RIMS3: variants seen among roughly 807,000 people sequenced by gnomAD.
RIMS3 encodes regulating synaptic membrane exocytosis 3.
In RIMS3, 15 loss-of-function variants were observed where a neutral mutation model predicts 29.2. That is an observed-to-expected ratio of 0.51 (90% CI 0.34 to 0.79). The LOEUF is 0.79. Ranked by LOEUF, RIMS3 falls within the 30% of genes least tolerant of loss-of-function variation. The pLI is 0.01. For missense variants in RIMS3, 342 were observed against 421.4 expected (o/e 0.81, Z 1.65); for synonymous variants, 161 against 170.1 (o/e 0.95, Z 0.41).
upstream of RIMS3, among the ~76,000 whole-genome samples, chr1:40,666,010 C>CCCGTG (rs1553146301): frequency 2.6e-5 from 4 of 152,176 alleles, no homozygotes; most frequent in Non-Finnish European, 5.9e-5. Flanking sequence ...ACCACGGCGC[C>CCCGTG]CCCTGCCCTG....
chr1:40,681,586 A>G, the RIMS3 span: 1 of 152,190 alleles, frequency 6.6e-6, no homozygotes, highest in Non-Finnish European at 1.5e-5. Flanking sequence ...AATTAATCTA[A>G]TAAAACCTGT....
chr1:40,657,261 T>C (rs1030427697), intron 1 of RIMS3, among the ~76,000 whole-genome samples: 2 of 152,164 alleles, frequency 1.3e-5, no homozygotes, highest in Admixed American at 1.3e-4. Context: ...CCTGCATCCA[T>C]CTGTTCCACA....
At chr1:40,658,336 G>T (rs1228562071) in intron 1 of RIMS3, among the ~76,000 whole-genome samples, 1 of 152,174 alleles carries the variant, frequency 6.6e-6, no homozygotes, top group South Asian at 2.1e-4. Context: ...TGCTGCCCAG[G>T]AAAAGACTCT....
At chr1:40,666,996 G>C (rs561106624), upstream of RIMS3, among the ~76,000 whole-genome samples, 8 of 152,304 alleles carry the variant, frequency 5.3e-5, no homozygotes, top group African/African-American at 1.9e-4. Context: ...CTGCACTCCA[G>C]CCTGAGTGAC....
intron 3 of RIMS3, among the ~76,000 whole-genome samples, chr1:40,639,937 C>T (rs776274665): frequency 2.0e-5 from 3 of 152,148 alleles, no homozygotes; most frequent in African/African-American, 4.8e-5. Context: ...CATCATCATT[C>T]ATCTCTTCTC....
intron 7 of RIMS3, among the ~76,000 whole-genome samples, chr1:40,627,695 G>A (rs663081): frequency 0.26 from 40,184 of 151,770 alleles, 6,440 homozygotes; most frequent in African/African-American, 0.46. Flanking sequence ...TTGACCTCCT[G>A]GGCTCAAACA....
chr1:40,691,943 C>G, the RIMS3 span: 1 of 330,942 alleles, frequency 3.0e-6, no homozygotes, highest in Non-Finnish European at 6.0e-6. Flanking sequence ...CGCTTCCCGC[C>G]TTCGCCAGAG....
chr1:40,685,387 TA>T, the RIMS3 span, among the ~76,000 whole-genome samples: 112,211 of 143,284 alleles, frequency 0.78, 44,550 homozygotes, highest in African/African-American at 0.89. Context: ...ATATAATAAA[TA>T]AAAAAATTTA....
the RIMS3 span, among the ~76,000 whole-genome samples, chr1:40,680,375 A>G: frequency 7.1e-6 from 1 of 140,554 alleles, no homozygotes; most frequent in South Asian, 2.2e-4. Context: ...TCTGTCGCCC[A>G]GGCTGGAGTG....
At chr1:40,682,741 C>CTTTTTTTT in the RIMS3 span, among the ~76,000 whole-genome samples, 490 of 77,450 alleles carry the variant, frequency 6.3e-3, 104 homozygotes, top group African/African-American at 0.021. Context: ...CTTTGCAGAT[C>CTTTTTTTT]TTTTTTTTTT....
At chr1:40,652,777 C>T (rs1419490880) in intron 1 of RIMS3, among the ~76,000 whole-genome samples, 2 of 152,160 alleles carry the variant, frequency 1.3e-5, no homozygotes, top group African/African-American at 4.8e-5. Context: ...TAATGCTTTA[C>T]AGAGATCAAT....
At chr1:40,627,032 C>T (rs1411646691) in intron 7 of RIMS3, among the ~76,000 whole-genome samples, 1 of 152,158 alleles carries the variant, frequency 6.6e-6, no homozygotes, top group South Asian at 2.1e-4. Context: ...TAAAGTTGCA[C>T]AGTAACTTGT....
rs1194768722 is a variant in RIMS3 at position 40,623,576 on chromosome 1, G to C, written c.*2941C>G. On this transcript the variant is annotated 3_prime_UTR_variant, in exon 8 of 8. Coordinates refer to ENST00000372684, the MANE Select transcript of RIMS3 (RefSeq NM_014747.3). ...CACTGCAGGGTTTCATCTGGGCAAG[G>C]GGGCATTTGGAGCCGGGACACTGAA... is the stretch of plus-strand genomic sequence containing the variant. 2.5e-6 allele frequency: 1 copy of C among 398,624 alleles called. No homozygotes were observed. The allele number at this position is 398,624 out of a possible 1,614,324, so 24.7% of individuals were successfully genotyped here. A position where few individuals can be genotyped will look rare whatever the true frequency, so the allele number is the denominator to read the frequency against.
chr1:40,635,765 G>C lies in RIMS3; in HGVS notation c.359+151C>G. On this transcript the variant is annotated intron_variant, in intron 4 of 7. Transcript: ENST00000372684. The surrounding 1 kb of genome is among the most constrained non-coding windows in gnomAD (Gnocchi z 4.1). ...ACCTGAGGTCCAGGCACAGAGTGTT[G>C]AGGGGAGGGGTATGAAGGAAGGCAG... 5 of 959,104 alleles carry C rather than the reference G, an allele frequency of 5.2e-6. No homozygotes were observed. In the South Asian group the frequency reaches 7.6e-5, roughly 15 times the overall value. The allele number at this position is 959,104 out of a possible 1,614,324, so 59.4% of individuals were successfully genotyped here.
chr1:40,630,070 CA>C (rs35370598), intron 5 of RIMS3, among the ~76,000 whole-genome samples: 76,007 of 103,534 alleles, frequency 0.73, 26,055 homozygotes, highest in Middle Eastern at 0.8. Context: ...GACTCCGTCT[CA>C]AAAAAAAAAA....
intron 1 of RIMS3, among the ~76,000 whole-genome samples, chr1:40,655,429 GC>G (rs1201583791): frequency 3.9e-5 from 6 of 152,084 alleles, no homozygotes; most frequent in Admixed American, 2.6e-4. Flanking sequence ...ATCTCCATGA[GC>G]CCCCCTCCCA....
intron 2 of RIMS3, among the ~76,000 whole-genome samples, chr1:40,643,539 C>T (rs1367048299): frequency 1.1e-4 from 17 of 148,492 alleles, no homozygotes; most frequent in African/African-American, 2.5e-4. Context: ...TGCAGTGGCA[C>T]GATCTCGACT....
rs535269724 is a variant in RIMS3, at chr1:40,637,319, G to A, written c.218-1262C>T. Among the ~76,000 whole-genome samples, 20 of 152,340 alleles carry A rather than the reference G, an allele frequency of 1.3e-4. No homozygotes were observed. The South Asian group carries it at 4.1e-3, about 32-fold the overall frequency. ...CTTTCAGAAAGTCCCCACTGGAGGA[G>A]GGCAGGCAGAGAGGTCTAGGATCAC... On this transcript the variant is annotated intron_variant, in intron 3 of 7. Coordinates refer to ENST00000372684, the MANE Select transcript of RIMS3 (RefSeq NM_014747.3).
At chr1:40,666,933 G>A (rs1388372251), upstream of RIMS3, among the ~76,000 whole-genome samples, 3 of 152,160 alleles carry the variant, frequency 2.0e-5, no homozygotes, top group Non-Finnish European at 4.4e-5. Flanking sequence ...GCTGAGGTAC[G>A]AGAATCACTT....
Sources: gnomAD v4.1 joint callset for allele counts (sites outside exome capture counted in the v4.1 genomes callset) on GRCh38, gnomAD v4.1.1 for gene constraint, Gnocchi (gnomAD v3.1) non-coding constraint, MANE v1.5 for transcripts, NCBI Gene and HGNC (gene_info 2026-07-23, HGNC 2026-07-21) for gene names.